Variants in ADGRA2 observed in about 807,000 individuals in gnomAD.
The protein encoded by ADGRA2 is G-protein coupled receptor 124.
Under a neutral mutation model 98.7 loss-of-function variants are expected in ADGRA2, and 61 were observed. The ratio of observed to expected loss-of-function variants is 0.62; its 90% confidence interval spans 0.50 to 0.76. The LOEUF (loss-of-function observed/expected upper bound fraction) is 0.76. Ranked by LOEUF, ADGRA2 falls within the 30% of genes least tolerant of loss-of-function variation. ADGRA2 has a pLI of 0.00. For missense variants in ADGRA2, 1,712 were observed against 1,860.0 expected (o/e 0.92, Z 1.46); for synonymous variants, 858 against 831.5 (o/e 1.03, Z -0.55).
At chr8:37,809,732 G>A (rs772117029) in intron 1 of ADGRA2, among the ~76,000 whole-genome samples, 2 of 152,192 alleles carry the variant, frequency 1.3e-5, no homozygotes, top group African/African-American at 2.4e-5. Context: ...TAGCCAAACC[G>A]GAAGCGTGGG....
chr8:37,844,849 G>C lies in ADGRA2; in HGVS notation c.*2494G>C, dbSNP rs138784969. On this transcript the variant is annotated 3_prime_UTR_variant, in exon 19 of 19. Coordinates refer to ENST00000412232, the MANE Select transcript of ADGRA2 (RefSeq NM_032777.10). ...CGGACCAGTGACTGGCGGTGCTGGA[G>C]AAGGTCACCGATGTGCTTCACCACA... The C allele has an allele frequency of 1.2e-6, 2 of 1,614,208 alleles. No homozygotes were observed. The highest frequency in any genetic ancestry group is 1.7e-6 in the Non-Finnish European group (2 of 1,180,052).
Position 37,832,903 on chromosome 8 carries a change from C to T in ADGRA2, c.1098-107C>T, listed in dbSNP as rs1805495198. ...GCTGGTCTGAACCCCGCTCCTGGAT[C>T]CCTCCCCAAGGCCCCAAGGAGTCCG... On this transcript the variant is annotated intron_variant, in intron 8 of 18. Coordinates refer to ENST00000412232, the MANE Select transcript of ADGRA2 (RefSeq NM_032777.10). The T allele has an allele frequency of 3.8e-5, 31 of 806,446 alleles. 2 individuals are homozygous for T. The South Asian group carries it at 4.8e-4, about 13-fold the overall frequency. 50.0% of individuals were successfully genotyped at this position (806,446 alleles called of 1,614,324 possible).
In ADGRA2 at chr8:37,800,061, G is replaced by A. The variant is rs187125840; in HGVS notation, c.266+2527G>A. ...ACCCCAGGATGCATCTTGAGGGAGG[G>A]AGCAGGAGAAAGTCTGTGTAGGGGC... On this transcript the variant is annotated intron_variant, in intron 1 of 18. Coordinates refer to ENST00000412232, the MANE Select transcript of ADGRA2 (RefSeq NM_032777.10). Among the ~76,000 whole-genome samples the A allele has an allele frequency of 4.6e-5, 7 of 152,332 alleles. No homozygotes were observed. In the East Asian group the frequency reaches 1.4e-3, roughly 29 times the overall value.
In ADGRA2 at chr8:37,833,220, C is replaced by A; in HGVS notation, c.1296+12C>A. 1 of 1,591,984 alleles carries A rather than the reference C, an allele frequency of 6.3e-7. No individual in the cohort carries two copies. Among genetic ancestry groups the A allele is most frequent in the Admixed American group, 1.7e-5 (1 of 57,710 alleles). On this transcript the variant is annotated intron_variant, in intron 9 of 18. Coordinates refer to ENST00000412232, the MANE Select transcript of ADGRA2 (RefSeq NM_032777.10). ...ACACCTTCGTGCTGGTGAGGAGAGG[C>A]TAGGGCACCCCACCAGCTCTGCTTC...
At chr8:37,840,074 C>T (rs1805743716) in intron 16 of ADGRA2, 47 bp from the exon 17 acceptor site, 2 of 1,509,080 alleles carry the variant, frequency 1.3e-6, no homozygotes, top group Non-Finnish European at 1.8e-6. Flanking sequence ...CTGGGAGGGT[C>T]CAGTCGTAGT....
chr8:37,826,682 C>T (rs897492471), intron 2 of ADGRA2, among the ~76,000 whole-genome samples: 2 of 152,180 alleles, frequency 1.3e-5, no homozygotes, highest in Admixed American at 1.3e-4. Flanking sequence ...AAACAGGCCC[C>T]CTGGTGGGAC....
chr8:37,836,802 T>A (rs1805628136), intron 13 of ADGRA2, among the ~76,000 whole-genome samples: 1 of 152,198 alleles, frequency 6.6e-6, no homozygotes, highest in Non-Finnish European at 1.5e-5. Context: ...CCTAGCGATG[T>A]GGCTGTACCC....
chr8:37,837,352 T>C (rs1298479928), intron 13 of ADGRA2, among the ~76,000 whole-genome samples: 2 of 150,706 alleles, frequency 1.3e-5, no homozygotes, highest in Admixed American at 1.3e-4. Context: ...CCTCTCTCCA[T>C]CCCGCCCGCC....
chr8:37,844,672 G>C lies in ADGRA2; in HGVS notation c.*2317G>C, dbSNP rs1394202758. 6.2e-7 allele frequency: 1 copy of C among 1,614,136 alleles called. No individual in the cohort carries two copies. The highest frequency in any genetic ancestry group is 1.7e-5 in the Admixed American group (1 of 60,026). On this transcript the variant is annotated 3_prime_UTR_variant, in exon 19 of 19. Coordinates refer to ENST00000412232, the MANE Select transcript of ADGRA2 (RefSeq NM_032777.10). ...CGCTTCGGGGACTTCAACATGCAGG[G>C]TGGCAAGAGAAGGGCAGGACTGGCC...
chr8:37,807,637 G>A (rs1352379686), intron 1 of ADGRA2, among the ~76,000 whole-genome samples: 1 of 152,160 alleles, frequency 6.6e-6, no homozygotes, highest in Non-Finnish European at 1.5e-5. Context: ...GAGCCCCAGG[G>A]CTTTTTGGCA....
intron 1 of ADGRA2, among the ~76,000 whole-genome samples, chr8:37,804,522 G>A (rs1343319944): frequency 2.0e-5 from 3 of 152,350 alleles, no homozygotes; most frequent in South Asian, 4.1e-4. Context: ...GAGGGTTGCC[G>A]AGATACAGAA....
rs902375244 is a variant in ADGRA2 at position 37,831,566 on chromosome 8, C to T, written c.1076C>T (p.Ala359Val). Residue 359 changes from alanine to valine, a missense_variant, in exon 8 of 19, where the codon GCC becomes GTC. By Grantham distance (64) the Ala-to-Val change is moderately conservative (BLOSUM62 0). Transcript: ENST00000412232. The stretch of plus-strand genomic sequence containing the variant: ...TCCTACTGCCCCGCCGAGCGTGTTG[C>T]CAACAACCGCGGGGACTTCAGGTTT... The part of the protein sequence containing the change: ...SASYCPAERV[A>V]NNRGDFRWPR... 2 of 1,613,700 alleles carry T rather than the reference C, an allele frequency of 1.2e-6. No individual in the cohort carries two copies. The highest frequency in any genetic ancestry group is 1.3e-5 in the African/African-American group (1 of 74,920).
At position 37,839,630 on chromosome 8, in the gene ADGRA2, G is replaced by C. The variant is rs112119971; in HGVS notation, c.2511+8G>C. On this transcript the variant is annotated splice_region_variant and intron_variant, in intron 16 of 18. Transcript: ENST00000412232. ...CAGATGGTCTGCCAGGCGGTAAGCA[G>C]GAGAAGGGGCTCTGGGGGTGGTGCT... is the stretch of plus-strand genomic sequence containing the variant. 34 of 1,613,638 alleles carry C rather than the reference G, an allele frequency of 2.1e-5. No individual in the cohort carries two copies. The Middle Eastern group carries it at 5.0e-4, about 23-fold the overall frequency.
chr8:37,804,152 C>CACACACAT (rs67544121), intron 1 of ADGRA2, among the ~76,000 whole-genome samples: 1 of 149,828 alleles, frequency 6.7e-6, no homozygotes, highest in Non-Finnish European at 1.5e-5. Flanking sequence ...CACACACACA[C>CACACACAT]GGCTCTTAGC....
At position 37,797,388 on chromosome 8, in the gene ADGRA2, C is replaced by G; in HGVS notation, c.120C>G (p.Ser40=). 7.0e-7 allele frequency: 1 copy of G among 1,432,224 alleles called. No individual in the cohort carries two copies. Among genetic ancestry groups the G allele is most frequent in the South Asian group, 1.4e-5 (1 of 69,614 alleles). 88.7% of individuals were successfully genotyped at this position (1,432,224 alleles called of 1,614,324 possible). ...EARGAPGCPL[S]IRSCKCSGER... ...GGGGCGCGCCCGGCTGCCCGCTATC[C>G]ATCCGCAGCTGCAAGTGCTCGGGGG... The change falls in exon 1 of 19, where the codon TCC becomes TCG. Residue 40 remains serine (S), a synonymous_variant. Coordinates refer to ENST00000412232, the MANE Select transcript of ADGRA2 (RefSeq NM_032777.10). This position sits in a 1 kb window ranked among gnomAD's most constrained non-coding sequence, Gnocchi z 5.3.
rs145530012 is a variant in ADGRA2 at position 37,840,214 on chromosome 8, C to A, written c.2605C>A (p.Pro869Thr). Residue 869 changes from proline (P) to threonine (T), a missense_variant, in exon 17 of 19, where the codon CCC becomes ACC. By Grantham distance (38) the Pro-to-Thr change is conservative. Coordinates refer to ENST00000412232, the MANE Select transcript of ADGRA2 (RefSeq NM_032777.10). ...VLHKELTWRA[P>T]PPQEGDPALP... Reference sequence around the variant, plus strand: ...CCATAAGGAGCTCACCTGGAGGGCACCCCCTCCGCAAGAAGGGGACCCCGC... The same window carrying A: ...CCATAAGGAGCTCACCTGGAGGGCAACCCCTCCGCAAGAAGGGGACCCCGC... 5.6e-6 allele frequency: 9 copies of A among 1,612,012 alleles called. No homozygotes were observed. The highest frequency in any genetic ancestry group is 4.0e-5 in the African/African-American group (3 of 74,910).
Position 37,841,677 on chromosome 8 carries a change from C to G in ADGRA2, c.3339C>G (p.Gly1113=), listed in dbSNP as rs4976898. 0.72 allele frequency: 1,099,564 copies of G among 1,527,570 alleles called. 397,829 individuals are homozygous for G. The highest frequency in any genetic ancestry group is 0.91 in the East Asian group (36,921 of 40,584). 94.6% of individuals were successfully genotyped at this position (1,527,570 alleles called of 1,614,324 possible). The change falls in exon 19 of 19, where the codon GGC becomes GGG. Residue 1113 remains glycine, a synonymous_variant. Coordinates refer to ENST00000412232, the MANE Select transcript of ADGRA2 (RefSeq NM_032777.10). The surrounding 1 kb of genome is among the most constrained non-coding windows in gnomAD (Gnocchi z 5.0). ...AEDGSPVFGE[G]PPSLKSSPSG... is the part of the protein sequence containing the mutation. ...ACGGTTCCCCGGTGTTCGGGGAGGG[C>G]CCCCCCTCCCTCAAGTCCTCCCCAA...
At position 37,844,444 on chromosome 8, in the gene ADGRA2, T is replaced by C; in HGVS notation, c.*2089T>C. 6.3e-7 allele frequency: 1 copy of C among 1,589,978 alleles called. No individual in the cohort carries two copies. Among genetic ancestry groups the C allele is most frequent in the South Asian group, 1.1e-5 (1 of 87,712 alleles). On this transcript the variant is annotated 3_prime_UTR_variant, in exon 19 of 19. Coordinates refer to ENST00000412232, the MANE Select transcript of ADGRA2 (RefSeq NM_032777.10). ...TCCATCCTTGGTTATAACAGGAATG[T>C]TATCAAGCTGTCAGAACAGGATGAA... is the stretch of plus-strand genomic sequence containing the variant.
chr8:37,839,386 C>T (rs1356193622), intron 15 of ADGRA2, 113 bp from the exon 16 acceptor site: 4 of 1,513,044 alleles, frequency 2.6e-6, no homozygotes, highest in Non-Finnish European at 3.5e-6. Context: ...CATTCCCAAC[C>T]ATTCACACAC....
Sources: allele counts gnomAD v4.1 joint callset (sites outside exome capture counted in the v4.1 genomes callset), GRCh38; gene constraint gnomAD v4.1.1; non-coding constraint Gnocchi (gnomAD v3.1); transcripts MANE v1.5; gene names NCBI Gene and HGNC (gene_info 2026-07-23, HGNC 2026-07-21).